Variants in ZFHX3 observed in about 807,000 individuals in gnomAD.
ZFHX3 encodes zinc finger homeobox protein 3.
In ZFHX3, 42 loss-of-function variants were observed where a neutral mutation model predicts 279.1. The observed-to-expected ratio is 0.15, with a 90% confidence interval of 0.12 to 0.19. The LOEUF (loss-of-function observed/expected upper bound fraction) is 0.19, where lower values mean the gene tolerates loss of function less well. Among genes scored for constraint, ZFHX3 ranks in the 10% least tolerant of loss-of-function variants. ZFHX3 has a pLI of 1.00. For synonymous variants in ZFHX3, 2,293 were observed against 1,957.8 expected (o/e 1.17, Z -4.52); for missense variants, 4,981 against 4,754.0 (o/e 1.05, Z -1.40).
intron 3 of ZFHX3, among the ~76,000 whole-genome samples, chr16:72,949,172 C>T (rs999070547): frequency 2.0e-5 from 3 of 152,156 alleles, no homozygotes; most frequent in Admixed American, 6.5e-5. Context: ...CGGCAGAGGC[C>T]GACATGGGCA....
chr16:73,575,365 C>A (rs74030119), intron 2 of ZFHX3, among the ~76,000 whole-genome samples: 1 of 152,140 alleles, frequency 6.6e-6, no homozygotes, highest in Non-Finnish European at 1.5e-5. Context: ...CTCCCTGTTC[C>A]GGGCACATGA....
intron 2 of ZFHX3, among the ~76,000 whole-genome samples, chr16:73,480,567 G>A (rs569661956): frequency 1.3e-5 from 2 of 152,326 alleles, no homozygotes; most frequent in South Asian, 2.1e-4. Flanking sequence ...AGGCAGCAGA[G>A]GGCAGAATGT....
At chr16:73,334,810 C>CCTTTT (rs1555510772) in intron 3 of ZFHX3, among the ~76,000 whole-genome samples, 1,318 of 57,922 alleles carry the variant, frequency 0.023, 179 homozygotes, top group African/African-American at 0.059. Flanking sequence ...CTTTCTCATT[C>CCTTTT]TTTTTTTTTT....
At chr16:73,705,527 T>C (rs1239881119) in intron 1 of ZFHX3, among the ~76,000 whole-genome samples, 2 of 152,216 alleles carry the variant, frequency 1.3e-5, no homozygotes, top group Non-Finnish European at 2.9e-5. Context: ...TGAGTGGCCA[T>C]ATTTCCTATA....
intron 3 of ZFHX3, among the ~76,000 whole-genome samples, chr16:73,429,111 C>T (rs949550171): frequency 3.3e-5 from 5 of 152,278 alleles, no homozygotes; most frequent in Admixed American, 6.5e-5. Flanking sequence ...GCCCTCCTTC[C>T]TTTTTCATCT....
At chr16:73,745,787 C>T (rs927343995) in intron 1 of ZFHX3, among the ~76,000 whole-genome samples, 17 of 152,156 alleles carry the variant, frequency 1.1e-4, no homozygotes, top group Non-Finnish European at 1.9e-4. Context: ...CTCAAGTTAT[C>T]GATACCCTCT....
chr16:73,472,715 G>C (rs888425524), intron 2 of ZFHX3, among the ~76,000 whole-genome samples: 9 of 152,182 alleles, frequency 5.9e-5, no homozygotes, highest in Middle Eastern at 3.2e-3. Flanking sequence ...AAGGAGGTCA[G>C]CGATCAGGGG....
chr16:73,157,901 G>C (rs1663032112), intron 5 of ZFHX3, among the ~76,000 whole-genome samples: 1 of 151,972 alleles, frequency 6.6e-6, no homozygotes, highest in South Asian at 2.1e-4. Flanking sequence ...GCTAATAATT[G>C]GCATTAGCAT....
In ZFHX3 at chr16:73,089,655, A is replaced by G. The variant is rs560529419; in HGVS notation, c.-533+3580T>C. Among the ~76,000 whole-genome samples, 16 of 152,324 alleles carry G rather than the reference A, an allele frequency of 1.1e-4. No individual in the cohort carries two copies. In the East Asian group the frequency reaches 2.7e-3, roughly 26 times the overall value. On this transcript the variant is annotated intron_variant, in intron 8 of 17. Transcript: ENST00000641206. ...CTGACAACAGGAATCCTGTGATTCAAGATTCATCCCTGGATAGGATGAATG... is the reference window on the plus strand; with the variant it reads ...CTGACAACAGGAATCCTGTGATTCAGGATTCATCCCTGGATAGGATGAATG...
At position 72,784,745 on chromosome 16, in the gene ZFHX3, G is replaced by C. The variant is rs1027575768; in HGVS notation, c.*2419C>G. The C allele has an allele frequency of 6.6e-6, 1 of 152,382 alleles. No homozygotes were observed. Among genetic ancestry groups the C allele is most frequent in the Non-Finnish European group, 1.5e-5 (1 of 67,980 alleles). The allele number at this position is 152,382 out of a possible 1,614,324, so 9.4% of individuals were successfully genotyped here. A position where few individuals can be genotyped will look rare whatever the true frequency, so the allele number is the denominator to read the frequency against. On this transcript the variant is annotated 3_prime_UTR_variant, in exon 10 of 10. Transcript: ENST00000268489. ...CACCTTATGCTACAACTGGATACTG[G>C]TATGAATAGTTAGATGGTATTCTTT...
At chr16:73,804,287 T>A (rs1960215785) in intron 1 of ZFHX3, among the ~76,000 whole-genome samples, 1 of 152,192 alleles carries the variant, frequency 6.6e-6, no homozygotes, top group African/African-American at 2.4e-5. Flanking sequence ...AATTAAGATG[T>A]GATAAAACAG....
chr16:73,186,160 T>C (rs537797386), intron 5 of ZFHX3, among the ~76,000 whole-genome samples: 1 of 152,254 alleles, frequency 6.6e-6, no homozygotes, highest in African/African-American at 2.4e-5. Flanking sequence ...GTAAGTTGTA[T>C]AATTCATTAT....
intron 3 of ZFHX3, among the ~76,000 whole-genome samples, chr16:73,410,111 G>T (rs1356888323): frequency 6.6e-6 from 1 of 152,128 alleles, no homozygotes; most frequent in African/African-American, 2.4e-5. Flanking sequence ...ATAATTTATT[G>T]TACATTCAAA....
At chr16:73,000,931 G>A (rs1332884299) in intron 1 of ZFHX3, among the ~76,000 whole-genome samples, 3 of 152,122 alleles carry the variant, frequency 2.0e-5, no homozygotes, top group Non-Finnish European at 4.4e-5. Context: ...ACAAACTGTC[G>A]CCTCACTCAG....
chr16:73,521,574 C>A (rs1188724627), intron 2 of ZFHX3, among the ~76,000 whole-genome samples: 2 of 152,046 alleles, frequency 1.3e-5, no homozygotes, highest in African/African-American at 4.8e-5. Flanking sequence ...CCCCACATCA[C>A]TCTCCTTTTC....
At position 73,636,591 on chromosome 16, in the gene ZFHX3, C is replaced by A. The variant is rs114490884; in HGVS notation, c.-1547+43589G>T. On this transcript the variant is annotated intron_variant, in intron 2 of 17. Transcript: ENST00000641206. The stretch of plus-strand genomic sequence containing the variant: ...TGTAAAATGCAGTTAATTTAAAAAA[C>A]ACAACAGCTTTTCTATATATTAGCA... Among the ~76,000 whole-genome samples, 1,072 of 152,018 alleles carry A rather than the reference C, an allele frequency of 7.1e-3. 13 individuals carry two copies. The highest frequency in any genetic ancestry group is 0.024 in the African/African-American group (1,001 of 41,434).
At chr16:73,692,858 G>T (rs1160497280) in intron 1 of ZFHX3, among the ~76,000 whole-genome samples, 8 of 152,200 alleles carry the variant, frequency 5.3e-5, no homozygotes, top group Admixed American at 5.2e-4. Context: ...AAGGCAGAAA[G>T]AGGAGCCACC....
At position 73,417,474 on chromosome 16, in the gene ZFHX3, C is replaced by T. The variant is rs545709253; in HGVS notation, c.-1291+38529G>A. Among the ~76,000 whole-genome samples, 13 of 145,994 alleles carry T rather than the reference C, an allele frequency of 8.9e-5. No individual in the cohort carries two copies. In the South Asian group the frequency reaches 2.6e-3, roughly 29 times the overall value. ...TTCAAACTCCTGGGCTCAAGTGATCCTCCTGCCTCAGCCTCCTGAGTACCT... is the reference window on the plus strand; with the variant it reads ...TTCAAACTCCTGGGCTCAAGTGATCTTCCTGCCTCAGCCTCCTGAGTACCT... On this transcript the variant is annotated intron_variant, in intron 3 of 17. Coordinates refer to the ZFHX3 transcript ENST00000641206.
intron 1 of ZFHX3, among the ~76,000 whole-genome samples, chr16:73,689,975 G>A (rs1292359019): frequency 6.6e-6 from 1 of 151,846 alleles, no homozygotes; most frequent in East Asian, 1.9e-4. Context: ...GAGTGCAGTG[G>A]CGCGATCTCG....
Sources: gnomAD v4.1 joint callset for allele counts (sites outside exome capture counted in the v4.1 genomes callset) on GRCh38, gnomAD v4.1.1 for gene constraint, MANE v1.5 for transcripts, NCBI Gene and HGNC (gene_info 2026-07-23, HGNC 2026-07-21) for gene names.